The following SNTG1 variants were observed in gnomAD, a reference collection of about 807,000 sequenced individuals.
SNTG1 encodes the protein syntrophin gamma 1, also known as gamma-1-syntrophin.
SNTG1 carries 39 observed loss-of-function variants against 74.7 expected under a neutral mutation model. The ratio of observed to expected loss-of-function variants is 0.52; its 90% CI spans 0.40 to 0.68. The LOEUF (loss-of-function observed/expected upper bound fraction) is 0.68. Ranked by LOEUF, SNTG1 falls within the 30% of genes least tolerant of loss-of-function variation. SNTG1 has a pLI of 0.00. For missense variants in SNTG1, 685 were observed against 609.5 expected, an observed-to-expected ratio of 1.12 and a Z score of -1.30; for synonymous variants, 254 against 217.1, an observed-to-expected ratio of 1.17 and a Z score of -1.49.
chr8:50,318,714 T>C (rs995687735), intron 2 of SNTG1, among the ~76,000 whole-genome samples: 2 of 152,196 alleles, frequency 1.3e-5, no homozygotes, highest in Admixed American at 6.5e-5. Context: ...AAATTTAGAC[T>C]ATAGAGCCAT....
chr8:50,393,716 T>C (rs781131685), intron 2 of SNTG1, among the ~76,000 whole-genome samples: 4 of 152,240 alleles, frequency 2.6e-5, no homozygotes, highest in Admixed American at 6.5e-5. Context: ...CCTTACATCA[T>C]ATTGTGAATA....
chr8:49,982,903 T>A (rs1812816758), intron 1 of SNTG1, among the ~76,000 whole-genome samples: 1 of 152,212 alleles, frequency 6.6e-6, no homozygotes. Context: ...GTAAAATTGA[T>A]GTAATCCAAT....
At chr8:49,978,071 A>G (rs1812351596) in intron 1 of SNTG1, among the ~76,000 whole-genome samples, 1 of 152,240 alleles carries the variant, frequency 6.6e-6, no homozygotes, top group Non-Finnish European at 1.5e-5. Flanking sequence ...CCCAGCTCAC[A>G]ACGGTCCACT....
At chr8:49,941,719 A>G (rs1246498794) in intron 1 of SNTG1, among the ~76,000 whole-genome samples, 1 of 151,940 alleles carries the variant, frequency 6.6e-6, no homozygotes, top group East Asian at 1.9e-4. Flanking sequence ...CCACTAGCAG[A>G]TGTCCTGAAC....
Position 50,285,896 on chromosome 8 carries a change from CTTGAG to C in SNTG1, c.-27-108313_-27-108309del, listed in dbSNP as rs569039718. Reference sequence around the variant, plus strand: ...AAGTATAAAACATTTTCCTCAGTAACTTGAGTTATGTTGTTTTCTAAGTAAATTTG... The same window carrying C: ...AAGTATAAAACATTTTCCTCAGTAACTTATGTTGTTTTCTAAGTAAATTTG... On this transcript the variant is annotated intron_variant, in intron 2 of 18. Coordinates refer to ENST00000642720, the MANE Select transcript of SNTG1 (RefSeq NM_018967.5). 1.5e-3 allele frequency among the ~76,000 whole-genome samples: 221 copies of C among 150,004 alleles called. 2 individuals carry two copies. The highest frequency in any genetic ancestry group is 4.6e-3 in the African/African-American group (187 of 41,008).
At chr8:50,534,952 C>T (rs2094296969) in intron 10 of SNTG1, among the ~76,000 whole-genome samples, 1 of 151,944 alleles carries the variant, frequency 6.6e-6, no homozygotes, top group Admixed American at 6.6e-5. Context: ...CCTAAAAGTT[C>T]CATGTTTAGA....
intron 1 of SNTG1, among the ~76,000 whole-genome samples, chr8:50,171,602 C>T (rs1318549390): frequency 6.6e-6 from 1 of 152,144 alleles, no homozygotes; most frequent in South Asian, 2.1e-4. Context: ...TACTTTGCAT[C>T]CTTCAATCCA....
At chr8:50,437,511 C>A (rs2093316492) in intron 4 of SNTG1, among the ~76,000 whole-genome samples, 1 of 152,064 alleles carries the variant, frequency 6.6e-6, no homozygotes, top group Admixed American at 6.6e-5. Context: ...TTATCTGTTC[C>A]ACACAGTTTC....
chr8:50,521,380 C>T (rs1004934182), intron 9 of SNTG1, among the ~76,000 whole-genome samples: 3 of 152,144 alleles, frequency 2.0e-5, no homozygotes, highest in Non-Finnish European at 4.4e-5. Flanking sequence ...AACAAACCTG[C>T]GTTTCCTGCA....
At chr8:50,617,378 TCACACACACACACACACA>T (rs3999830) in intron 13 of SNTG1, among the ~76,000 whole-genome samples, 1 of 146,948 alleles carries the variant, frequency 6.8e-6, no homozygotes, top group African/African-American at 2.5e-5. Context: ...AGTAAGCATT[TCACACACACACACACACA>T]CACACACACA....
At chr8:50,403,904 A>G (rs2131361492) in intron 4 of SNTG1, among the ~76,000 whole-genome samples, 1 of 152,302 alleles carries the variant, frequency 6.6e-6, no homozygotes, top group Middle Eastern at 3.4e-3. Context: ...CAAGTCAAGG[A>G]TAATACCTTG....
intron 4 of SNTG1, among the ~76,000 whole-genome samples, chr8:50,425,367 T>TACCCTATTATGAATTGCACAC (rs2093149619): frequency 6.6e-6 from 1 of 151,572 alleles, no homozygotes; most frequent in Non-Finnish European, 1.5e-5. Flanking sequence ...TAGAAGCACA[T>TACCCTATTATGAATTGCACAC]ACCCTATTAT....
At chr8:50,184,774 C>T (rs1199587209) in intron 2 of SNTG1, among the ~76,000 whole-genome samples, 1 of 151,798 alleles carries the variant, frequency 6.6e-6, no homozygotes, top group Non-Finnish European at 1.5e-5. Flanking sequence ...ATATTAGTGC[C>T]CCAAATGTAA....
intron 3 of SNTG1, among the ~76,000 whole-genome samples, chr8:50,398,756 C>T (rs2092762044): frequency 6.6e-6 from 1 of 152,092 alleles, no homozygotes; most frequent in African/African-American, 2.4e-5. Flanking sequence ...GTGGTGAAAC[C>T]CCGTCTCTAC....
At chr8:50,111,551 C>T (rs1280868790) in intron 1 of SNTG1, among the ~76,000 whole-genome samples, 1 of 152,096 alleles carries the variant, frequency 6.6e-6, no homozygotes, top group African/African-American at 2.4e-5. Flanking sequence ...GGCTTCCAGC[C>T]TCCAGAAATA....
chr8:50,601,407 A>G (rs149494129), intron 13 of SNTG1, among the ~76,000 whole-genome samples: 1,917 of 152,124 alleles, frequency 0.013, 44 homozygotes, highest in African/African-American at 0.042. Context: ...GCATGTGCTT[A>G]ATTTCCATGT....
chr8:50,681,676 C>A (rs2095331512), intron 15 of SNTG1, among the ~76,000 whole-genome samples: 1 of 152,146 alleles, frequency 6.6e-6, no homozygotes, highest in Admixed American at 6.6e-5. Context: ...TCAGAATGAG[C>A]CAGCAATGCT....
chr8:49,974,549 G>A (rs1812010949), intron 1 of SNTG1, among the ~76,000 whole-genome samples: 1 of 151,982 alleles, frequency 6.6e-6, no homozygotes, highest in African/African-American at 2.4e-5. Flanking sequence ...TTTTTCTTTT[G>A]GTGTCATAAG....
chr8:50,494,083 C>A (rs2093882449), intron 8 of SNTG1, among the ~76,000 whole-genome samples: 1 of 150,922 alleles, frequency 6.6e-6, no homozygotes, highest in African/African-American at 2.4e-5. Flanking sequence ...CTTTCAGAAT[C>A]TTTAATTGAA....
Sources: gnomAD v4.1 joint callset for allele counts (sites outside exome capture counted in the v4.1 genomes callset) on GRCh38, gnomAD v4.1.1 for gene constraint, MANE v1.5 for transcripts, NCBI Gene and HGNC (gene_info 2026-07-23, HGNC 2026-07-21) for gene names.